CHRM3: variants seen among roughly 807,000 people sequenced by gnomAD.
The protein encoded by CHRM3 is cholinergic receptor muscarinic 3.
A neutral mutation model predicts 41.8 loss-of-function variants in CHRM3; 11 were observed. That is an observed-to-expected ratio of 0.26 (90% confidence interval 0.17 to 0.44). The LOEUF is 0.44. CHRM3 is among the 20% of genes least tolerant of loss of function. The pLI is 1.00. For missense variants in CHRM3, 571 were observed against 745.4 expected (o/e 0.77, Z 2.72); for synonymous variants, 297 against 301.4 (o/e 0.99, Z 0.15).
intron 3 of CHRM3, among the ~76,000 whole-genome samples, chr1:239,599,048 T>C (rs1403828322): frequency 6.6e-6 from 1 of 152,164 alleles, no homozygotes; most frequent in African/African-American, 2.4e-5. Flanking sequence ...ATCCCTCCCT[T>C]AATCCCATCT....
chr1:239,835,777 A>G (rs1312880842), intron 6 of CHRM3, among the ~76,000 whole-genome samples: 1 of 152,190 alleles, frequency 6.6e-6, no homozygotes, highest in Non-Finnish European at 1.5e-5. Flanking sequence ...GCAAAGAAAA[A>G]TGTATTTATT....
intron 3 of CHRM3, among the ~76,000 whole-genome samples, chr1:239,582,435 G>A (rs1452047133): frequency 6.6e-6 from 1 of 151,996 alleles, no homozygotes; most frequent in Admixed American, 6.6e-5. Flanking sequence ...TGCACTCAGG[G>A]GTTACACTTC....
intron 5 of CHRM3, among the ~76,000 whole-genome samples, chr1:239,752,724 CAG>C (rs1558512530): frequency 6.6e-6 from 1 of 152,042 alleles, no homozygotes; most frequent in African/African-American, 2.4e-5. Context: ...ATTTAAAAAA[CAG>C]ATAGAATAGT....
intron 1 of CHRM3, among the ~76,000 whole-genome samples, chr1:239,447,823 G>A (rs1442506084): frequency 6.6e-6 from 1 of 152,124 alleles, no homozygotes; most frequent in Non-Finnish European, 1.5e-5. Flanking sequence ...TGAATTTATT[G>A]AGAAGGCATC....
chr1:239,488,764 GT>G (rs936898056), intron 1 of CHRM3, among the ~76,000 whole-genome samples: 2 of 133,816 alleles, frequency 1.5e-5, no homozygotes, highest in East Asian at 4.9e-4. Flanking sequence ...GAATTAGATG[GT>G]TTTGTAGATG....
At chr1:239,638,063 T>G (rs1297279366) in intron 4 of CHRM3, among the ~76,000 whole-genome samples, 1 of 151,804 alleles carries the variant, frequency 6.6e-6, no homozygotes. Flanking sequence ...ATTTCCAATT[T>G]CATCCATGTC....
At position 239,480,534 on chromosome 1, in the gene CHRM3, G is replaced by A. The variant is rs920644557; in HGVS notation, c.-520-12175G>A. On this transcript the variant is annotated intron_variant, in intron 1 of 6. Transcript: ENST00000676153. ...TTCATTTTAACTCAGGTAATCCTACGATAGCCCAATTTTTTTTTTTTTTTT... is the reference window on the plus strand; with the variant it reads ...TTCATTTTAACTCAGGTAATCCTACAATAGCCCAATTTTTTTTTTTTTTTT... 5.5e-5 allele frequency among the ~76,000 whole-genome samples: 8 copies of A among 146,288 alleles called. No individual in the cohort carries two copies. The South Asian group carries it at 8.7e-4, about 16-fold the overall frequency.
intron 4 of CHRM3, among the ~76,000 whole-genome samples, chr1:239,657,697 C>T (rs1397285410): frequency 6.6e-6 from 1 of 152,184 alleles, no homozygotes; most frequent in African/African-American, 2.4e-5. Context: ...CTTGAATACA[C>T]ATTTTGATCC....
At chr1:239,647,781 A>G (rs947583681) in intron 4 of CHRM3, among the ~76,000 whole-genome samples, 1 of 152,194 alleles carries the variant, frequency 6.6e-6, no homozygotes, top group Admixed American at 6.5e-5. Flanking sequence ...TACAGGTGCA[A>G]TTCAAAAATG....
chr1:239,673,110 T>G (rs1674540547), intron 4 of CHRM3, among the ~76,000 whole-genome samples: 1 of 152,228 alleles, frequency 6.6e-6, no homozygotes, highest in South Asian at 2.1e-4. Flanking sequence ...GAAGACAGAA[T>G]GGCTTCCCGG....
intron 1 of CHRM3, among the ~76,000 whole-genome samples, chr1:239,467,937 A>C (rs1172357914): frequency 6.6e-6 from 1 of 152,120 alleles, no homozygotes; most frequent in African/African-American, 2.4e-5. Flanking sequence ...AAAGATGACA[A>C]AATGTAATCA....
chr1:239,821,975 A>T (rs1672089873), intron 5 of CHRM3, among the ~76,000 whole-genome samples: 1 of 152,134 alleles, frequency 6.6e-6, no homozygotes, highest in Non-Finnish European at 1.5e-5. Flanking sequence ...CCACCCTGTG[A>T]GGAAGGTGCC....
intron 5 of CHRM3, among the ~76,000 whole-genome samples, chr1:239,821,219 G>A (rs988478808): frequency 6.6e-6 from 1 of 152,210 alleles, no homozygotes; most frequent in East Asian, 1.9e-4. Flanking sequence ...CCAGGATAAA[G>A]CTGACCAACA....
intron 4 of CHRM3, among the ~76,000 whole-genome samples, chr1:239,658,590 A>G (rs1224486935): frequency 6.6e-6 from 1 of 152,204 alleles, no homozygotes; most frequent in Non-Finnish European, 1.5e-5. Context: ...AACATCTGGT[A>G]TATTGGGACC....
intron 3 of CHRM3, among the ~76,000 whole-genome samples, chr1:239,627,125 G>C (rs1669057282): frequency 1.2e-5 from 1 of 81,110 alleles, no homozygotes. Context: ...CATTATTAAT[G>C]TGTGGGAGTC....
At chr1:239,871,914 C>T (rs775218308) in intron 6 of CHRM3, among the ~76,000 whole-genome samples, 1 of 152,192 alleles carries the variant, frequency 6.6e-6, no homozygotes, top group Non-Finnish European at 1.5e-5. Flanking sequence ...GTTCTTCCAC[C>T]ACAAACATGC....
At chr1:239,762,690 A>T (rs1227666708) in intron 5 of CHRM3, among the ~76,000 whole-genome samples, 1 of 152,254 alleles carries the variant, frequency 6.6e-6, no homozygotes, top group Non-Finnish European at 1.5e-5. Flanking sequence ...CCAAAATCCA[A>T]AAGGAATCAT....
chr1:239,533,886 A>G lies in CHRM3; in HGVS notation c.-421-11755A>G, dbSNP rs150727632. 6.6e-4 allele frequency among the ~76,000 whole-genome samples: 101 copies of G among 152,274 alleles called. 1 individual carries two copies. The highest frequency in any genetic ancestry group is 2.4e-3 in the African/African-American group (98 of 41,558). On this transcript the variant is annotated intron_variant, in intron 2 of 6. Transcript: ENST00000676153. The stretch of plus-strand genomic sequence containing the variant: ...ATGACATGTGGGGATTATGAGAGCT[A>G]CAATTCAAGATGAGATTTGGGTGAG...
At chr1:239,398,240 A>AT (rs1659666531) in intron 1 of CHRM3, among the ~76,000 whole-genome samples, 1 of 152,076 alleles carries the variant, frequency 6.6e-6, no homozygotes, top group Middle Eastern at 3.4e-3. Context: ...TAAATAATGT[A>AT]TTTTTTTCTT....
Sources: gnomAD v4.1 joint callset for allele counts (sites outside exome capture counted in the v4.1 genomes callset) on GRCh38, gnomAD v4.1.1 for gene constraint, MANE v1.5 for transcripts, NCBI Gene and HGNC (gene_info 2026-07-23, HGNC 2026-07-21) for gene names.